Variants in FAF1 observed in about 807,000 individuals in gnomAD.
FAF1 encodes Fas associated factor 1, also known as FAS-associated factor 1.
In FAF1, 25 loss-of-function variants were observed where a neutral mutation model predicts 92.5. The ratio of observed to expected loss-of-function variants is 0.27; its 90% CI spans 0.20 to 0.38. The LOEUF is 0.38. Among genes scored for constraint, FAF1 ranks in the 10% least tolerant of loss-of-function variants. FAF1 has a pLI of 1.00. For synonymous variants in FAF1, 234 were observed against 273.2 expected, an observed-to-expected ratio of 0.86 and a Z score of 1.42; for missense variants, 636 against 793.3, an observed-to-expected ratio of 0.80 and a Z score of 2.38.
intron 8 of FAF1, among the ~76,000 whole-genome samples, chr1:50,603,111 C>A (rs1351458594): frequency 6.6e-6 from 1 of 152,122 alleles, no homozygotes. Context: ...TAAAAAGTAT[C>A]CAATCGAACA....
intron 6 of FAF1, among the ~76,000 whole-genome samples, chr1:50,709,558 A>G (rs949582393): frequency 5.3e-5 from 8 of 152,206 alleles, no homozygotes; most frequent in African/African-American, 1.7e-4. Flanking sequence ...TGAAAGGTTA[A>G]TTGCCCCTGG....
chr1:50,621,399 T>C (rs1488280214), intron 8 of FAF1, among the ~76,000 whole-genome samples: 18 of 126,372 alleles, frequency 1.4e-4, no homozygotes, highest in South Asian at 5.4e-4. Context: ...TTCTTTTTTT[T>C]TTTTTTTTTT....
At chr1:50,652,184 C>A (rs1369016064) in intron 8 of FAF1, among the ~76,000 whole-genome samples, 1 of 152,172 alleles carries the variant, frequency 6.6e-6, no homozygotes, top group African/African-American at 2.4e-5. Flanking sequence ...CTTGTGTTTG[C>A]TGTGACTTAA....
At chr1:50,800,904 G>A (rs1471922261) in intron 3 of FAF1, among the ~76,000 whole-genome samples, 1 of 152,154 alleles carries the variant, frequency 6.6e-6, no homozygotes, top group Non-Finnish European at 1.5e-5. Flanking sequence ...GGAAAATCAA[G>A]TAATTAAACT....
chr1:50,769,778 T>C (rs781005947), intron 4 of FAF1, among the ~76,000 whole-genome samples: 2 of 152,162 alleles, frequency 1.3e-5, no homozygotes, highest in Non-Finnish European at 2.9e-5. Flanking sequence ...AGGCTGGGTG[T>C]GGTGGCTCAC....
intron 6 of FAF1, among the ~76,000 whole-genome samples, chr1:50,713,158 A>C (rs1457421067): frequency 6.7e-6 from 1 of 148,748 alleles, no homozygotes; most frequent in Admixed American, 6.7e-5. Flanking sequence ...AGACCCTCAA[A>C]AAAAAAAAAA....
At chr1:50,896,706 A>G (rs1644760191) in intron 1 of FAF1, among the ~76,000 whole-genome samples, 1 of 152,244 alleles carries the variant, frequency 6.6e-6, no homozygotes, top group Admixed American at 6.5e-5. Flanking sequence ...TGACTGTATC[A>G]TTCCACTAAA....
intron 6 of FAF1, among the ~76,000 whole-genome samples, chr1:50,725,281 T>TA (rs1418522163): frequency 2.0e-5 from 3 of 152,156 alleles, no homozygotes; most frequent in Non-Finnish European, 4.4e-5. Context: ...CCCTAAGTCA[T>TA]ACAGTGATTC....
chr1:50,746,294 T>A (rs2789900), intron 4 of FAF1, among the ~76,000 whole-genome samples: 214 of 28,910 alleles, frequency 7.4e-3, no homozygotes, highest in East Asian at 0.025. Context: ...ATATATATAT[T>A]TTTTTTTTTT....
chr1:50,765,239 T>G (rs575447690), intron 4 of FAF1, among the ~76,000 whole-genome samples: 3 of 152,304 alleles, frequency 2.0e-5, no homozygotes, highest in Admixed American at 1.3e-4. Context: ...TTGGCTACAC[T>G]CCAATAAACT....
At chr1:50,612,586 T>G (rs753072036) in intron 8 of FAF1, 3 of 496,350 alleles carry the variant, frequency 6.0e-6, no homozygotes, top group Non-Finnish European at 7.8e-6. Flanking sequence ...ACTCTTTGGA[T>G]AGCAAATATA....
chr1:50,926,548 A>G (rs1645007394), intron 1 of FAF1, among the ~76,000 whole-genome samples: 2 of 152,256 alleles, frequency 1.3e-5, no homozygotes, highest in South Asian at 2.1e-4. Context: ...AATTTATTGT[A>G]TATTTTCAAA....
intron 1 of FAF1, among the ~76,000 whole-genome samples, chr1:50,886,572 C>T (rs1644666994): frequency 6.6e-6 from 1 of 151,748 alleles, no homozygotes; most frequent in Non-Finnish European, 1.5e-5. Context: ...TTTTCCCCTT[C>T]CTGGGTCCAT....
At chr1:50,527,562 T>C (rs1647879617) in intron 15 of FAF1, among the ~76,000 whole-genome samples, 1 of 152,208 alleles carries the variant, frequency 6.6e-6, no homozygotes, top group African/African-American at 2.4e-5. Flanking sequence ...ACTTCTGTAA[T>C]ATATATTTCT....
intron 4 of FAF1, among the ~76,000 whole-genome samples, chr1:50,746,273 TA>T (rs1659597592): frequency 1.0e-4 from 2 of 19,898 alleles, no homozygotes; most frequent in African/African-American, 2.1e-4. Context: ...TATATATATA[TA>T]TATATATATA....
intron 3 of FAF1, among the ~76,000 whole-genome samples, chr1:50,801,401 A>G (rs1661983332): frequency 1.3e-5 from 2 of 152,258 alleles, no homozygotes; most frequent in Admixed American, 1.3e-4. Context: ...CTTAAAAATT[A>G]AAACCACCTT....
chr1:50,730,030 A>G (rs1263085792), intron 6 of FAF1, among the ~76,000 whole-genome samples: 1 of 152,134 alleles, frequency 6.6e-6, no homozygotes, highest in Non-Finnish European at 1.5e-5. Flanking sequence ...CAAAATAAAA[A>G]AAACAGATTG....
intron 1 of FAF1, among the ~76,000 whole-genome samples, chr1:50,913,663 G>A (rs1644901429): frequency 6.6e-6 from 1 of 152,156 alleles, no homozygotes; most frequent in Non-Finnish European, 1.5e-5. Flanking sequence ...TCTAACAGAA[G>A]TAGTCTGTAC....
intron 4 of FAF1, among the ~76,000 whole-genome samples, chr1:50,745,165 G>T (rs927399346): frequency 1.3e-5 from 2 of 152,082 alleles, no homozygotes; most frequent in Non-Finnish European, 1.5e-5. Flanking sequence ...GCCAAGCGTG[G>T]TGGCACACAC....
Sources: gnomAD v4.1 joint callset for allele counts (sites outside exome capture counted in the v4.1 genomes callset) on GRCh38, gnomAD v4.1.1 for gene constraint, MANE v1.5 for transcripts, NCBI Gene and HGNC (gene_info 2026-07-23, HGNC 2026-07-21) for gene names.